The following MYT1L variants were observed in gnomAD, a reference collection of about 807,000 sequenced individuals.
MYT1L encodes myelin transcription factor 1 like.
Under a neutral mutation model 126.7 loss-of-function variants are expected in MYT1L, and 12 were observed. The ratio of observed to expected loss-of-function variants is 0.09; its 90% CI spans 0.06 to 0.15. The LOEUF (loss-of-function observed/expected upper bound fraction) is 0.15, where lower values mean the gene tolerates loss of function less well. Ranked by LOEUF, MYT1L falls within the 10% of genes least tolerant of loss-of-function variation. MYT1L has a pLI of 1.00. For missense variants in MYT1L, 979 were observed against 1,585.2 expected (o/e 0.62, Z 6.49); for synonymous variants, 541 against 604.2 (o/e 0.90, Z 1.53).
At chr2:2,256,529 C>T (rs1004215828) in intron 2 of MYT1L, among the ~76,000 whole-genome samples, 2 of 152,210 alleles carry the variant, frequency 1.3e-5, no homozygotes, top group African/African-American at 4.8e-5. Context: ...TATTTACTAT[C>T]TGCCTTTTAA....
chr2:2,130,663 G>A (rs544768539), intron 3 of MYT1L, among the ~76,000 whole-genome samples: 7 of 152,296 alleles, frequency 4.6e-5, no homozygotes, highest in African/African-American at 1.7e-4. Context: ...ACATAATGGA[G>A]TAAGAACAGG....
intron 19 of MYT1L, among the ~76,000 whole-genome samples, chr2:1,846,513 G>A (rs1044878148): frequency 2.6e-5 from 4 of 152,292 alleles, no homozygotes; most frequent in South Asian, 2.1e-4. Flanking sequence ...GGCTGGGGGT[G>A]AGCACACGGA....
At chr2:2,001,237 C>CTTTTTTTTTTTTTTTTGTTT (rs11389323) in intron 4 of MYT1L, among the ~76,000 whole-genome samples, 1 of 103,910 alleles carries the variant, frequency 9.6e-6, no homozygotes, top group African/African-American at 3.8e-5. Flanking sequence ...TTGGTTTTAG[C>CTTTTTTTTTTTTTTTTGTTT]TTTTTTTTTT....
intron 3 of MYT1L, among the ~76,000 whole-genome samples, chr2:2,139,210 C>T (rs2083562167): frequency 6.6e-6 from 1 of 152,046 alleles, no homozygotes; most frequent in Admixed American, 6.6e-5. Flanking sequence ...GCTGGAATGC[C>T]ATCTACTAGA....
intron 9 of MYT1L, among the ~76,000 whole-genome samples, chr2:1,941,026 A>G (rs2056591121): frequency 6.6e-6 from 1 of 152,232 alleles, no homozygotes; most frequent in East Asian, 1.9e-4. Flanking sequence ...CCAGCGTTTA[A>G]AAACAATTAT....
chr2:2,275,121 C>T (rs2095333004), intron 2 of MYT1L, among the ~76,000 whole-genome samples: 1 of 151,682 alleles, frequency 6.6e-6, no homozygotes, highest in African/African-American at 2.4e-5. Flanking sequence ...TCACCTTGGG[C>T]AGACACTGAG....
intron 2 of MYT1L, among the ~76,000 whole-genome samples, chr2:2,250,298 A>G (rs532239130): frequency 1.9e-3 from 285 of 152,300 alleles, no homozygotes; most frequent in Non-Finnish European, 3.3e-3. Flanking sequence ...TGGATAAAAA[A>G]GTGTGGTGCA....
chr2:2,087,144 C>T (rs1259839612), intron 3 of MYT1L, among the ~76,000 whole-genome samples: 4 of 152,266 alleles, frequency 2.6e-5, no homozygotes, highest in Admixed American at 1.3e-4. Flanking sequence ...GTTTATCATC[C>T]GCCTGCCGCT....
chr2:1,820,821 A>G (rs1456511138), intron 21 of MYT1L, among the ~76,000 whole-genome samples: 1 of 152,176 alleles, frequency 6.6e-6, no homozygotes, highest in Non-Finnish European at 1.5e-5. Flanking sequence ...TACTGGGATT[A>G]CAGGTGTGAG....
intron 16 of MYT1L, among the ~76,000 whole-genome samples, chr2:1,888,482 T>TC (rs2148845995): frequency 6.6e-6 from 1 of 152,346 alleles, no homozygotes; most frequent in African/African-American, 2.4e-5. Context: ...TTCTTTTTTT[T>TC]CCATTTCCTT....
At chr2:2,136,248 T>C (rs1054568210) in intron 3 of MYT1L, among the ~76,000 whole-genome samples, 5 of 152,232 alleles carry the variant, frequency 3.3e-5, no homozygotes, top group African/African-American at 9.6e-5. Flanking sequence ...TTGTTCTTTC[T>C]GTCCCTTAGC....
intron 3 of MYT1L, among the ~76,000 whole-genome samples, chr2:2,091,601 T>G (rs1575104873): frequency 6.6e-6 from 1 of 152,330 alleles, no homozygotes; most frequent in South Asian, 2.1e-4. Flanking sequence ...TCAACCTGTC[T>G]TTAGAAGCTT....
intron 18 of MYT1L, among the ~76,000 whole-genome samples, chr2:1,861,473 T>C (rs1473561726): frequency 1.3e-5 from 2 of 151,780 alleles, no homozygotes; most frequent in African/African-American, 4.9e-5. Context: ...ATTTTTGTGC[T>C]ATTTTTTCTT....
chr2:1,987,541 T>C (rs963931296), intron 5 of MYT1L, among the ~76,000 whole-genome samples: 2 of 152,148 alleles, frequency 1.3e-5, no homozygotes, highest in African/African-American at 4.8e-5. Context: ...GCCCATTCCT[T>C]TCTGGGCTTA....
chr2:1,822,718 T>G (rs4581923), intron 21 of MYT1L, among the ~76,000 whole-genome samples: 2 of 151,768 alleles, frequency 1.3e-5, no homozygotes, highest in Non-Finnish European at 2.9e-5. Flanking sequence ...GATATCTGGG[T>G]CCCTGGCAGT....
chr2:2,057,403 C>T (rs2069736990), intron 3 of MYT1L, among the ~76,000 whole-genome samples: 1 of 152,086 alleles, frequency 6.6e-6, no homozygotes, highest in South Asian at 2.1e-4. Flanking sequence ...GCCACACTCA[C>T]CCTTTTCCTG....
chr2:1,961,979 A>G (rs753930941), intron 8 of MYT1L, among the ~76,000 whole-genome samples: 60 of 152,368 alleles, frequency 3.9e-4, no homozygotes, highest in Admixed American at 7.8e-4. Flanking sequence ...TAGCATAAAG[A>G]CAAATATTTA....
chr2:2,020,088 G>T (rs1328795415), intron 4 of MYT1L, among the ~76,000 whole-genome samples: 1 of 152,066 alleles, frequency 6.6e-6, no homozygotes, highest in East Asian at 1.9e-4. Flanking sequence ...CTAGCAATCT[G>T]CCCAGCTCAG....
intron 2 of MYT1L, among the ~76,000 whole-genome samples, chr2:2,281,728 C>A (rs2095449293): frequency 6.6e-6 from 1 of 152,106 alleles, no homozygotes; most frequent in Admixed American, 6.5e-5. Context: ...TAAAATACAT[C>A]CATTAAGTTG....
Sources: allele counts gnomAD v4.1 joint callset (sites outside exome capture counted in the v4.1 genomes callset), GRCh38; gene constraint gnomAD v4.1.1; transcripts MANE v1.5; gene names NCBI Gene and HGNC (gene_info 2026-07-23, HGNC 2026-07-21).